CLASP1: variants seen among roughly 807,000 people sequenced by gnomAD.
CLASP1 encodes the protein cytoplasmic linker associated protein 1.
A neutral mutation model predicts 192.3 loss-of-function variants in CLASP1; 38 were observed. The ratio of observed to expected loss-of-function variants is 0.20; its 90% CI spans 0.15 to 0.26. CLASP1 has a LOEUF of 0.26. CLASP1 is among the 10% of genes least tolerant of loss of function. The pLI is 1.00. For synonymous variants in CLASP1, 691 were observed against 712.8 expected, an observed-to-expected ratio of 0.97 and a Z score of 0.49; for missense variants, 1,433 against 1,932.5, an observed-to-expected ratio of 0.74 and a Z score of 4.85.
intron 30 of CLASP1, among the ~76,000 whole-genome samples, chr2:121,388,560 T>C (rs1283951052): frequency 6.6e-6 from 1 of 152,192 alleles, no homozygotes; most frequent in Non-Finnish European, 1.5e-5. Context: ...GTAGTGATTG[T>C]GGTAGCGAGG....
chr2:121,534,892 G>T (rs775293806), intron 2 of CLASP1, among the ~76,000 whole-genome samples: 1 of 152,108 alleles, frequency 6.6e-6, no homozygotes, highest in Non-Finnish European at 1.5e-5. Context: ...AGTCACACAG[G>T]ACAAAGTGAA....
chr2:121,408,998 T>TA, intron 24 of CLASP1: 2 of 1,547,430 alleles, frequency 1.3e-6, no homozygotes, highest in Non-Finnish European at 8.7e-7. Context: ...AATAAAGTTG[T>TA]AAAACAAAAG....
chr2:121,551,620 C>T (rs1253849040), intron 2 of CLASP1, among the ~76,000 whole-genome samples: 3 of 152,014 alleles, frequency 2.0e-5, no homozygotes, highest in African/African-American at 7.2e-5. Context: ...AAGAATAAAA[C>T]ACCTAGGAAT....
intron 20 of CLASP1, among the ~76,000 whole-genome samples, chr2:121,429,847 T>C (rs953489048): frequency 3.3e-5 from 5 of 152,238 alleles, no homozygotes; most frequent in Non-Finnish European, 5.9e-5. Flanking sequence ...TGTTTAATGC[T>C]TAACAATACA....
chr2:121,616,763 C>T (rs2066536242), intron 1 of CLASP1, among the ~76,000 whole-genome samples: 1 of 152,212 alleles, frequency 6.6e-6, no homozygotes, highest in Non-Finnish European at 1.5e-5. Context: ...TCCTTTCCTT[C>T]TCTTTTTTCT....
intron 37 of CLASP1, among the ~76,000 whole-genome samples, chr2:121,351,345 G>A (rs1398864675): frequency 2.0e-5 from 3 of 152,286 alleles, no homozygotes; most frequent in South Asian, 2.1e-4. Flanking sequence ...ATATGTAGAC[G>A]GCTTTGTATT....
rs963003068 is a variant in CLASP1 at position 121,503,274 on chromosome 2, C to T, written c.645-40G>A. The T allele has an allele frequency of 9.9e-6, 11 of 1,107,808 alleles. No individual in the cohort carries two copies. The East Asian group carries it at 2.3e-4, about 23-fold the overall frequency. The allele number at this position is 1,107,808 out of a possible 1,614,324, so 68.6% of individuals were successfully genotyped here. A position where few individuals can be genotyped will look rare whatever the true frequency, so the allele number is the denominator to read the frequency against. ...AATGTAAACAAACTATTAACCATCA[C>T]TGCTCATAGCCAATTATATTAAAAT... On this transcript the variant is annotated intron_variant, in intron 7 of 39. Transcript: ENST00000263710.
At chr2:121,525,742 C>A (rs1356623311) in intron 6 of CLASP1, 103 bp downstream of exon 6, 1 of 729,978 alleles carries the variant, frequency 1.4e-6, no homozygotes, top group African/African-American at 1.7e-5. Context: ...CATCAGTGTT[C>A]TGTGAAGATT....
rs536017210 is a variant in CLASP1 at position 121,474,598 on chromosome 2, TG to T, written c.713-4639del. On this transcript the variant is annotated intron_variant, in intron 8 of 39. Coordinates refer to ENST00000263710, the Ensembl canonical transcript of CLASP1. ...AAACATACAAAAAATTAGCCGGGCA[TG>T]GTGGTGGGTGCCTGTAGTCGCAGCT... Among the ~76,000 whole-genome samples the T allele has an allele frequency of 3.7e-4, 57 of 152,130 alleles. No homozygotes were observed. The East Asian group carries it at 9.9e-3, about 26-fold the overall frequency.
rs1559534848 is a variant in CLASP1, at chr2:121,530,975, C to CA, written c.196-651_196-650insT. 2.9e-6 allele frequency: 2 copies of CA among 700,418 alleles called. No homozygotes were observed. Among genetic ancestry groups the CA allele is most frequent in the Admixed American group, 2.0e-5 (1 of 50,012 alleles). The allele number at this position is 700,418 out of a possible 1,614,324, so 43.4% of individuals were successfully genotyped here. ...AACAACACACCCGCATCAACTAGAG[C>CA]TTTTGCTTTATTTTGGTGCAATTTT... is the stretch of plus-strand genomic sequence containing the variant. On this transcript the variant is annotated intron_variant, in intron 2 of 39. Transcript: ENST00000263710.
chr2:121,606,236 G>A (rs933235719), intron 1 of CLASP1, 56 bp from the exon 2 acceptor site: 3 of 391,514 alleles, frequency 7.7e-6, no homozygotes, highest in Admixed American at 4.3e-5. Context: ...ACACCCAAAT[G>A]TTATGAAACA....
At chr2:121,398,581 G>C (rs1172520401) in intron 28 of CLASP1, among the ~76,000 whole-genome samples, 181 bp from the exon 30 acceptor site, 1 of 152,118 alleles carries the variant, frequency 6.6e-6, no homozygotes, top group East Asian at 1.9e-4. Flanking sequence ...TATGGAAAAA[G>C]GAAGATCTTT....
chr2:121,508,887 T>G (rs558739287), intron 7 of CLASP1, among the ~76,000 whole-genome samples: 18 of 152,224 alleles, frequency 1.2e-4, no homozygotes, highest in Non-Finnish European at 2.5e-4. Context: ...CTTCTCTCTG[T>G]GCACAAAGAC....
intron 7 of CLASP1, among the ~76,000 whole-genome samples, chr2:121,504,688 C>T (rs1229391878): frequency 6.6e-6 from 1 of 152,200 alleles, no homozygotes; most frequent in Non-Finnish European, 1.5e-5. Context: ...CTCTAAGTAA[C>T]AGAGAGGACA....
At chr2:121,534,005 G>A (rs1052400914) in intron 2 of CLASP1, among the ~76,000 whole-genome samples, 4 of 152,126 alleles carry the variant, frequency 2.6e-5, no homozygotes, top group African/African-American at 9.7e-5. Flanking sequence ...CACTCCTGCC[G>A]AGCACAACTA....
intron 30 of CLASP1, 71 bp downstream of exon 31, chr2:121,397,068 GT>G: frequency 6.5e-7 from 1 of 1,531,112 alleles, no homozygotes; most frequent in Non-Finnish European, 9.0e-7. Flanking sequence ...CGGTTTTCAA[GT>G]TTCTAAATAC....
intron 1 of CLASP1, among the ~76,000 whole-genome samples, chr2:121,610,177 A>G (rs529096195): frequency 6.6e-6 from 1 of 151,100 alleles, no homozygotes; most frequent in Non-Finnish European, 1.5e-5. Context: ...GGAGTGAGAG[A>G]AGAAGGAGGA....
chr2:121,360,660 G>T (rs890371491), intron 37 of CLASP1, among the ~76,000 whole-genome samples: 2 of 151,538 alleles, frequency 1.3e-5, no homozygotes, highest in African/African-American at 4.8e-5. Flanking sequence ...AAATACACAG[G>T]TTCTTGAGTT....
At chr2:121,593,877 T>G (rs1311458251) in intron 2 of CLASP1, among the ~76,000 whole-genome samples, 2 of 151,412 alleles carry the variant, frequency 1.3e-5, no homozygotes, top group Non-Finnish European at 2.9e-5. Context: ...AGGGTGGTGG[T>G]GCATGCCTGT....
Sources: allele counts gnomAD v4.1 joint callset (sites outside exome capture counted in the v4.1 genomes callset), GRCh38; gene constraint gnomAD v4.1.1; transcripts MANE v1.5; gene names NCBI Gene and HGNC (gene_info 2026-07-23, HGNC 2026-07-21).